Variants in GRIA4 observed in about 807,000 individuals in gnomAD.
GRIA4 encodes the protein glutamate receptor 4.
GRIA4 carries 34 observed loss-of-function variants against 104.0 expected under a neutral mutation model. That is an observed-to-expected ratio of 0.33 (90% confidence interval 0.25 to 0.44). The LOEUF (loss-of-function observed/expected upper bound fraction) is 0.44, where lower values mean the gene tolerates loss of function less well. GRIA4 is among the 20% of genes least tolerant of loss of function. The pLI is 1.00. For synonymous variants in GRIA4, 386 were observed against 381.9 expected (o/e 1.01, Z -0.13); for missense variants, 750 against 1,096.5 (o/e 0.68, Z 4.46).
chr11:105,767,851 A>G (rs1158358468), intron 4 of GRIA4, among the ~76,000 whole-genome samples: 5 of 152,148 alleles, frequency 3.3e-5, no homozygotes, highest in Admixed American at 1.3e-4. Context: ...CTTCAAGTGC[A>G]GGCAGTTTGG....
intron 4 of GRIA4, among the ~76,000 whole-genome samples, chr11:105,782,170 GA>G (rs1004063443): frequency 4.5e-4 from 69 of 152,106 alleles, no homozygotes; most frequent in Non-Finnish European, 7.8e-4. Context: ...TTCCCATAGG[GA>G]AATATATCTA....
At position 105,854,897 on chromosome 11, in the gene GRIA4, G is replaced by C. The variant is rs146453884; in HGVS notation, c.488-7127G>C. Among the ~76,000 whole-genome samples the C allele has an allele frequency of 3.0e-4, 45 of 152,262 alleles. 2 individuals carry two copies. The East Asian group carries it at 7.3e-3, about 25-fold the overall frequency. ...CTGCCACTTAGTGGGGTTATGCTTT[G>C]ATGTAAGTCACATAAATTGTTTTTA... is the stretch of plus-strand genomic sequence containing the variant. On this transcript the variant is annotated intron_variant, in intron 4 of 16. Transcript: ENST00000282499.
chr11:105,687,403 T>C (rs1366084276), intron 3 of GRIA4, among the ~76,000 whole-genome samples: 1 of 152,208 alleles, frequency 6.6e-6, no homozygotes, highest in East Asian at 1.9e-4. Flanking sequence ...ACTGCAGTTA[T>C]GCTATATAGA....
chr11:105,847,287 C>G (rs1163678954), intron 4 of GRIA4, among the ~76,000 whole-genome samples: 1 of 152,170 alleles, frequency 6.6e-6, no homozygotes, highest in Non-Finnish European at 1.5e-5. Context: ...GCTGTCCTGA[C>G]AGGAGGTGGA....
intron 14 of GRIA4, among the ~76,000 whole-genome samples, chr11:105,936,391 A>C (rs184072565): frequency 2.0e-4 from 31 of 152,288 alleles, no homozygotes; most frequent in African/African-American, 6.3e-4. Flanking sequence ...CTGTTTTCCA[A>C]AACAATCTAT....
At chr11:105,656,765 G>A (rs894395137) in intron 3 of GRIA4, among the ~76,000 whole-genome samples, 2 of 151,924 alleles carry the variant, frequency 1.3e-5, no homozygotes, top group Non-Finnish European at 2.9e-5. Flanking sequence ...TAACATATTA[G>A]TGATGTTTTC....
At chr11:105,894,174 G>A (rs974759739) in intron 6 of GRIA4, among the ~76,000 whole-genome samples, 7 of 152,208 alleles carry the variant, frequency 4.6e-5, no homozygotes, top group African/African-American at 1.4e-4. Flanking sequence ...TGGGCTTTTC[G>A]AGGGGAAACA....
intron 3 of GRIA4, among the ~76,000 whole-genome samples, chr11:105,668,316 A>G (rs925337716): frequency 6.8e-6 from 1 of 147,912 alleles, no homozygotes; most frequent in Non-Finnish European, 1.5e-5. Context: ...TAGACATAAT[A>G]GAATATTATT....
rs577470939 is a variant in GRIA4, at chr11:105,799,869, C to T, written c.487+46649C>T. Among the ~76,000 whole-genome samples the T allele has an allele frequency of 2.2e-4, 33 of 152,116 alleles. No individual in the cohort carries two copies. In the South Asian group the frequency reaches 6.8e-3, roughly 32 times the overall value. On this transcript the variant is annotated intron_variant, in intron 4 of 16. Transcript: ENST00000282499. ...CCAGGGATCATTTAGTATTTAAAGG[C>T]AGAATAGTTTGTTTCACTTTCTCTA...
At chr11:105,646,512 G>C (rs1951533030) in intron 3 of GRIA4, among the ~76,000 whole-genome samples, 1 of 152,128 alleles carries the variant, frequency 6.6e-6, no homozygotes, top group African/African-American at 2.4e-5. Context: ...CACACCACCT[G>C]ATTTCAAACT....
chr11:105,856,280 A>T (rs1187913802), intron 4 of GRIA4, among the ~76,000 whole-genome samples: 1 of 152,140 alleles, frequency 6.6e-6, no homozygotes, highest in Non-Finnish European at 1.5e-5. Flanking sequence ...AGAGTCTATG[A>T]AGTAAAACCT....
At chr11:105,883,996 C>A (rs1946161416) in intron 5 of GRIA4, among the ~76,000 whole-genome samples, 1 of 152,168 alleles carries the variant, frequency 6.6e-6, no homozygotes, top group South Asian at 2.1e-4. Context: ...CAGAGAAATG[C>A]AAATCAAAAC....
At chr11:105,662,324 G>C (rs892510449) in intron 3 of GRIA4, among the ~76,000 whole-genome samples, 4 of 151,774 alleles carry the variant, frequency 2.6e-5, no homozygotes, top group Non-Finnish European at 4.4e-5. Context: ...GTTAAACCTA[G>C]GTCTGCCTGT....
intron 3 of GRIA4, among the ~76,000 whole-genome samples, chr11:105,718,286 A>C (rs1324761123): frequency 6.6e-6 from 1 of 152,186 alleles, no homozygotes; most frequent in African/African-American, 2.4e-5. Context: ...AGCTCTTCCA[A>C]GCTTTCATTA....
intron 3 of GRIA4, among the ~76,000 whole-genome samples, chr11:105,697,838 A>G (rs1304153549): frequency 6.6e-6 from 1 of 152,116 alleles, no homozygotes; most frequent in Non-Finnish European, 1.5e-5. Context: ...AAATGGGTAC[A>G]TATACTCATA....
Position 105,617,580 on chromosome 11 carries a change from G to T in GRIA4, c.247+5146G>T, listed in dbSNP as rs369437567. The stretch of plus-strand genomic sequence containing the variant: ...TTCTCTAATTTAATTGCAAAATTTT[G>T]AAGAAAACAGGGCAAGACAGTTCTG... On this transcript the variant is annotated intron_variant, in intron 3 of 16. Transcript: ENST00000282499. Among the ~76,000 whole-genome samples, 6 of 152,106 alleles carry T rather than the reference G, an allele frequency of 3.9e-5. No homozygotes were observed. In the East Asian group the frequency reaches 9.6e-4, roughly 24 times the overall value.
chr11:105,712,057 A>G (rs1264674418), intron 3 of GRIA4, among the ~76,000 whole-genome samples: 3 of 152,132 alleles, frequency 2.0e-5, no homozygotes, highest in African/African-American at 7.2e-5. Flanking sequence ...TAAATTTTGT[A>G]TGTTTAAAAT....
At chr11:105,815,994 T>C (rs897877948) in intron 4 of GRIA4, among the ~76,000 whole-genome samples, 2 of 152,146 alleles carry the variant, frequency 1.3e-5, no homozygotes, top group Non-Finnish European at 2.9e-5. Context: ...ATGCTTACCA[T>C]GCTTTTGACC....
At chr11:105,743,078 T>C (rs930974331) in intron 3 of GRIA4, among the ~76,000 whole-genome samples, 1 of 152,082 alleles carries the variant, frequency 6.6e-6, no homozygotes, top group Non-Finnish European at 1.5e-5. Context: ...AGGCCTCCAT[T>C]TTCTTATCAC....
Sources: gnomAD v4.1 joint callset for allele counts (sites outside exome capture counted in the v4.1 genomes callset) on GRCh38, gnomAD v4.1.1 for gene constraint, MANE v1.5 for transcripts, NCBI Gene and HGNC (gene_info 2026-07-23, HGNC 2026-07-21) for gene names.